SLC41A3: variants seen among roughly 807,000 people sequenced by gnomAD.
The protein encoded by SLC41A3 is SLC41A1-like 2.
SLC41A3 carries 44 observed loss-of-function variants against 45.4 expected under a neutral mutation model. The ratio of observed to expected loss-of-function variants is 0.97; its 90% CI spans 0.76 to 1.25. The LOEUF (loss-of-function observed/expected upper bound fraction) is 1.25. SLC41A3 is among the 50% of genes most tolerant of loss of function. The pLI, the probability that SLC41A3 is intolerant of heterozygous loss-of-function variation, is 0.00. For missense variants in SLC41A3, 550 were observed against 600.6 expected (o/e 0.92, Z 0.88); for synonymous variants, 256 against 252.4 (o/e 1.01, Z -0.13).
At chr3:126,031,200 T>C (rs1350065125) in intron 4 of SLC41A3, among the ~76,000 whole-genome samples, 5 of 152,224 alleles carry the variant, frequency 3.3e-5, no homozygotes, top group Admixed American at 6.5e-5. Flanking sequence ...AATGAGGTTA[T>C]AGAGAAACTG....
chr3:126,008,893 G>A lies in SLC41A3; in HGVS notation c.1106-13C>T, dbSNP rs765000739. On this transcript the variant is annotated splice_polypyrimidine_tract_variant and intron_variant, in intron 9 of 10. Coordinates refer to ENST00000360370, the MANE Select transcript of SLC41A3 (RefSeq NM_017836.4). The stretch of plus-strand genomic sequence containing the variant: ...ATGGAATTGATTTCTGAAAGAAACA[G>A]AACCAAGAAGGTCATGTGACCTGAA... 1 of 1,613,328 alleles carries A rather than the reference G, an allele frequency of 6.2e-7. No homozygotes were observed. The highest frequency in any genetic ancestry group is 8.5e-7 in the Non-Finnish European group (1 of 1,179,372).
At chr3:126,016,906 A>G (rs1311611041) in intron 6 of SLC41A3, 31 bp from the exon 7 acceptor site, 2 of 1,602,664 alleles carry the variant, frequency 1.2e-6, no homozygotes, top group Non-Finnish European at 1.7e-6. Context: ...CACGCAGCTC[A>G]TGTGGCCAAG....
intron 3 of SLC41A3, 160 bp downstream of exon 3, chr3:126,050,783 T>C: frequency 7.8e-7 from 1 of 1,278,578 alleles, no homozygotes; most frequent in Non-Finnish European, 1.0e-6. Flanking sequence ...GGCATTGGGC[T>C]GGGAGAGGGA....
At chr3:126,020,802 AAC>A (rs1175527104) in intron 6 of SLC41A3, among the ~76,000 whole-genome samples, 1 of 152,160 alleles carries the variant, frequency 6.6e-6, no homozygotes, top group African/African-American at 2.4e-5. Context: ...CCTTTTTCTT[AAC>A]ACAGACATTC....
intron 9 of SLC41A3, among the ~76,000 whole-genome samples, 175 bp downstream of exon 9, chr3:126,012,440 G>A (rs1939812691): frequency 6.6e-6 from 1 of 152,176 alleles, no homozygotes. Context: ...TTGAATGAAG[G>A]AATGAAGGAA....
At chr3:126,007,400 C>G (rs1939212976) in intron 10 of SLC41A3, among the ~76,000 whole-genome samples, 175 bp from the exon 11 acceptor site, 1 of 152,176 alleles carries the variant, frequency 6.6e-6, no homozygotes, top group African/African-American at 2.4e-5. Flanking sequence ...CAAGCAGTGG[C>G]TAGAGAGGTG....
intron 1 of SLC41A3, among the ~76,000 whole-genome samples, chr3:126,080,977 G>C (rs939263831): frequency 6.6e-6 from 1 of 151,374 alleles, no homozygotes; most frequent in Non-Finnish European, 1.5e-5. Flanking sequence ...ACTAAAAACA[G>C]AACTACCATA....
chr3:126,064,110 G>C (rs1944227751), intron 2 of SLC41A3, among the ~76,000 whole-genome samples: 1 of 152,082 alleles, frequency 6.6e-6, no homozygotes, highest in Admixed American at 6.5e-5. Context: ...TCACCACCAA[G>C]ACTTAAGCTG....
chr3:126,083,522 T>C (rs1056126268), intron 1 of SLC41A3, among the ~76,000 whole-genome samples: 3 of 152,128 alleles, frequency 2.0e-5, no homozygotes, highest in South Asian at 4.1e-4. Context: ...GGAGGTTTTC[T>C]TCACCAGAGG....
intron 2 of SLC41A3, chr3:126,056,770 C>A: frequency 1.4e-6 from 2 of 1,385,828 alleles, no homozygotes; most frequent in East Asian, 2.7e-5. Context: ...GTGTGACTCA[C>A]GGCCTCATTA....
Position 126,026,658 on chromosome 3 carries a change from C to G in SLC41A3, c.454-179G>C, listed in dbSNP as rs1011996137. ...AAACTAATACCACACCCCACACCTGCCTTGAACTCAACTCCTCCGAAACCA... is the reference window on the plus strand; with the variant it reads ...AAACTAATACCACACCCCACACCTGGCTTGAACTCAACTCCTCCGAAACCA... On this transcript the variant is annotated intron_variant, in intron 4 of 10. Coordinates refer to ENST00000360370, the MANE Select transcript of SLC41A3 (RefSeq NM_017836.4). The surrounding 1 kb of genome is among the most constrained non-coding windows in gnomAD (Gnocchi z 4.2). Among the ~76,000 whole-genome samples, 1 of 152,190 alleles carries G rather than the reference C, an allele frequency of 6.6e-6. No homozygotes were observed. Among genetic ancestry groups the G allele is most frequent in the Non-Finnish European group, 1.5e-5 (1 of 68,034 alleles).
intron 2 of SLC41A3, among the ~76,000 whole-genome samples, chr3:126,066,465 T>C (rs1944350945): frequency 6.6e-6 from 1 of 152,198 alleles, no homozygotes. Flanking sequence ...TTGGGATAAC[T>C]TGTTAGGCAT....
upstream of SLC41A3, among the ~76,000 whole-genome samples, chr3:126,088,836 C>A (rs1945439930): frequency 6.6e-6 from 1 of 152,110 alleles, no homozygotes; most frequent in Admixed American, 6.5e-5. Context: ...ATTTTAAATG[C>A]TACAGAAATT....
intron 10 of SLC41A3, among the ~76,000 whole-genome samples, 192 bp from the exon 11 acceptor site, chr3:126,007,417 A>G (rs1939215520): frequency 1.3e-5 from 2 of 152,266 alleles, no homozygotes; most frequent in African/African-American, 2.4e-5. Flanking sequence ...GGTGACCCTC[A>G]TCTGTACTTA....
At chr3:126,047,344 C>A (rs1396900750) in intron 3 of SLC41A3, among the ~76,000 whole-genome samples, 1 of 152,148 alleles carries the variant, frequency 6.6e-6, no homozygotes, top group African/African-American at 2.4e-5. Flanking sequence ...GCCTGGGTGA[C>A]CCTGTCTCAA....
chr3:126,059,311 G>GAAAGAAAGAAAGA (rs1576331873), intron 2 of SLC41A3, among the ~76,000 whole-genome samples: 19 of 81,132 alleles, frequency 2.3e-4, no homozygotes, highest in South Asian at 4.6e-4. Flanking sequence ...AGAAAGAAAG[G>GAAAGAAAGAAAGA]AAGGATGATC....
chr3:126,053,723 C>T (rs774510502), intron 2 of SLC41A3, among the ~76,000 whole-genome samples: 2 of 152,300 alleles, frequency 1.3e-5, no homozygotes, highest in Admixed American at 6.5e-5. Flanking sequence ...GGGTGCCTCC[C>T]AGTGTCTATG....
At chr3:126,034,392 T>C (rs145462764) in intron 3 of SLC41A3, among the ~76,000 whole-genome samples, 2 of 152,402 alleles carry the variant, frequency 1.3e-5, no homozygotes, top group African/African-American at 2.4e-5. Context: ...TTTCCTAGAT[T>C]CCTTAAACTC....
intron 2 of SLC41A3, among the ~76,000 whole-genome samples, chr3:126,065,661 A>G (rs949837129): frequency 1.3e-5 from 2 of 152,232 alleles, no homozygotes; most frequent in Non-Finnish European, 2.9e-5. Flanking sequence ...TCTGTTTCTA[A>G]GGAAGGCATA....
Sources: allele counts gnomAD v4.1 joint callset (sites outside exome capture counted in the v4.1 genomes callset), GRCh38; gene constraint gnomAD v4.1.1; non-coding constraint Gnocchi (gnomAD v3.1); transcripts MANE v1.5; gene names NCBI Gene and HGNC (gene_info 2026-07-23, HGNC 2026-07-21).